The following CERT1 variants were observed in gnomAD, a reference collection of about 807,000 sequenced individuals.
The protein encoded by CERT1 is ceramide transporter 1.
In CERT1, 31 loss-of-function variants were observed where a neutral mutation model predicts 87.9. The observed-to-expected ratio is 0.35, with a 90% CI of 0.27 to 0.48. The LOEUF (loss-of-function observed/expected upper bound fraction) is 0.48. CERT1 is among the 20% of genes least tolerant of loss of function. CERT1 has a pLI of 0.99. For missense variants in CERT1, 487 were observed against 758.0 expected (o/e 0.64, Z 4.20); for synonymous variants, 289 against 250.9 (o/e 1.15, Z -1.44).
intron 2 of CERT1, among the ~76,000 whole-genome samples, chr5:75,490,355 T>C (rs1031520515): frequency 6.6e-6 from 1 of 152,048 alleles, no homozygotes; most frequent in Non-Finnish European, 1.5e-5. Flanking sequence ...TAAAAAACCT[T>C]TTTTTCTTCT....
intron 2 of CERT1, among the ~76,000 whole-genome samples, chr5:75,485,910 T>C (rs1766500294): frequency 6.6e-6 from 1 of 152,084 alleles, no homozygotes; most frequent in South Asian, 2.1e-4. Flanking sequence ...GGCTTCACTG[T>C]TGAACGTTAC....
intron 2 of CERT1, among the ~76,000 whole-genome samples, chr5:75,490,478 C>T (rs1196852095): frequency 6.7e-6 from 1 of 150,320 alleles, no homozygotes; most frequent in Admixed American, 6.6e-5. Flanking sequence ...ACTCTTTCTT[C>T]AACACCTGTA....
At chr5:75,374,363 T>C (rs182326566), downstream of CERT1, 1,208 of 534,556 alleles carry the variant, frequency 2.3e-3, 1 homozygote, top group Non-Finnish European at 3.2e-3. Flanking sequence ...CCTTACAAAT[T>C]TGAACTTATT....
chr5:75,464,690 C>G (rs927215491), intron 2 of CERT1, among the ~76,000 whole-genome samples: 1 of 152,156 alleles, frequency 6.6e-6, no homozygotes, highest in Non-Finnish European at 1.5e-5. Context: ...ATCCTCCCAC[C>G]TCAGCCTCTG....
intron 4 of CERT1, among the ~76,000 whole-genome samples, chr5:75,426,151 T>C (rs1423968305): frequency 2.0e-5 from 3 of 152,254 alleles, no homozygotes; most frequent in Non-Finnish European, 4.4e-5. Context: ...AGTTTTTTTA[T>C]ATTTTACCTC....
intron 3 of CERT1, among the ~76,000 whole-genome samples, chr5:75,438,881 T>C (rs1335539187): frequency 6.6e-6 from 1 of 151,958 alleles, no homozygotes; most frequent in African/African-American, 2.4e-5. Flanking sequence ...TTCTGAATAC[T>C]ACAGTAATGA....
At chr5:75,402,253 A>T (rs573798479) in intron 9 of CERT1, 1 of 152,324 alleles carries the variant, frequency 6.6e-6, no homozygotes, top group East Asian at 1.9e-4. Flanking sequence ...ATATAGATGA[A>T]AAACCTTAAG....
At chr5:75,503,187 G>C (rs180950105) in intron 2 of CERT1, among the ~76,000 whole-genome samples, 107 of 152,016 alleles carry the variant, frequency 7.0e-4, no homozygotes, top group Middle Eastern at 6.8e-3. Flanking sequence ...AAGAAATGTG[G>C]GTTCAGATGC....
intron 2 of CERT1, among the ~76,000 whole-genome samples, chr5:75,504,188 G>A (rs1465202900): frequency 6.6e-6 from 1 of 151,882 alleles, no homozygotes; most frequent in Non-Finnish European, 1.5e-5. Flanking sequence ...AGATCGCAAG[G>A]TACATTTCAA....
intron 2 of CERT1, among the ~76,000 whole-genome samples, chr5:75,460,061 C>G (rs993106970): frequency 2.0e-5 from 3 of 151,458 alleles, no homozygotes; most frequent in Non-Finnish European, 4.4e-5. Flanking sequence ...ACCTTGGCCT[C>G]TCATGTTGCT....
intron 2 of CERT1, among the ~76,000 whole-genome samples, chr5:75,470,702 G>A (rs1408995792): frequency 6.6e-6 from 1 of 152,172 alleles, no homozygotes; most frequent in Non-Finnish European, 1.5e-5. Context: ...TCCTGAACAA[G>A]ACAAGAATAC....
chr5:75,478,343 A>G (rs890842572), intron 2 of CERT1, among the ~76,000 whole-genome samples: 3 of 152,012 alleles, frequency 2.0e-5, no homozygotes, highest in Admixed American at 6.6e-5. Context: ...AGAAAAGAAA[A>G]GAGGAAAAAA....
chr5:75,492,525 A>G (rs1310498996), intron 2 of CERT1, among the ~76,000 whole-genome samples: 1 of 152,164 alleles, frequency 6.6e-6, no homozygotes, highest in Non-Finnish European at 1.5e-5. Context: ...TAAAAATTTC[A>G]ATTGACAAAG....
At chr5:75,463,527 C>T (rs1418651785) in intron 2 of CERT1, among the ~76,000 whole-genome samples, 1 of 152,126 alleles carries the variant, frequency 6.6e-6, no homozygotes, top group Non-Finnish European at 1.5e-5. Context: ...TACCTACTCC[C>T]TACCAAAATA....
At position 75,378,207 on chromosome 5, in the gene CERT1, G is replaced by C; in HGVS notation, c.*1139C>G. ...GGCCCAGGAGAGCAGGTCACCTGAG[G>C]TAAGGAGTTCGAGACCAGCCTGGCC... is the stretch of plus-strand genomic sequence containing the variant. On this transcript the variant is annotated 3_prime_UTR_variant, in exon 17 of 17. Coordinates refer to ENST00000643780, the MANE Select transcript of CERT1 (RefSeq NM_001379029.1). The C allele has an allele frequency of 6.6e-6, 1 of 152,310 alleles. No individual in the cohort carries two copies. The highest frequency in any genetic ancestry group is 1.9e-4 in the East Asian group (1 of 5,202). 9.4% of individuals were successfully genotyped at this position (152,310 alleles called of 1,614,324 possible).
intron 2 of CERT1, among the ~76,000 whole-genome samples, chr5:75,483,243 T>C (rs552324298): frequency 6.6e-6 from 1 of 152,162 alleles, no homozygotes; most frequent in East Asian, 1.9e-4. Flanking sequence ...ATTGATAAAA[T>C]GAAATATACA....
chr5:75,426,622 G>A, intron 3 of CERT1, 144 bp from the exon 4 acceptor site: 1 of 593,910 alleles, frequency 1.7e-6, no homozygotes. Flanking sequence ...ACTGACATAA[G>A]CAATGCCTTT....
At chr5:75,371,878 ATGT>A (rs1223168876) in intron 17 of CERT1, 2 of 152,306 alleles carry the variant, frequency 1.3e-5, no homozygotes, top group African/African-American at 4.8e-5. Context: ...GAGGGTCTAA[ATGT>A]TGTCCAGAAG....
chr5:75,402,273 ATCT>A (rs1462726119), intron 9 of CERT1: 1 of 152,222 alleles, frequency 6.6e-6, no homozygotes, highest in Non-Finnish European at 1.5e-5. Context: ...GTTTTTGGTC[ATCT>A]TCCTTTTCAT....
Sources: allele counts gnomAD v4.1 joint callset (sites outside exome capture counted in the v4.1 genomes callset), GRCh38; gene constraint gnomAD v4.1.1; transcripts MANE v1.5; gene names NCBI Gene and HGNC (gene_info 2026-07-23, HGNC 2026-07-21).